Variants in COL22A1 observed in about 807,000 individuals in gnomAD.
COL22A1 encodes collagen type XXII alpha 1 chain.
Under a neutral mutation model 248.9 loss-of-function variants are expected in COL22A1, and 221 were observed. The observed-to-expected ratio is 0.89, with a 90% confidence interval of 0.80 to 0.99. COL22A1 has a LOEUF of 0.99. Ranked by LOEUF, COL22A1 falls within the 50% of genes least tolerant of loss-of-function variation. COL22A1 has a pLI of 0.00. For missense variants in COL22A1, 2,240 were observed against 2,179.0 expected, an observed-to-expected ratio of 1.03 and a Z score of -0.56; for synonymous variants, 891 against 793.4, an observed-to-expected ratio of 1.12 and a Z score of -2.07.
chr8:138,637,385 C>T (rs1256358875), intron 47 of COL22A1, among the ~76,000 whole-genome samples: 3 of 152,154 alleles, frequency 2.0e-5, no homozygotes, highest in African/African-American at 7.2e-5. Context: ...ACATAAGTTC[C>T]TTGCTCCCTC....
At chr8:138,633,581 T>C (rs907607987) in intron 49 of COL22A1, among the ~76,000 whole-genome samples, 1 of 152,244 alleles carries the variant, frequency 6.6e-6, no homozygotes. Flanking sequence ...TTTAGGAAGC[T>C]AATGTCATCA....
At chr8:138,857,839 G>A (rs866017171) in intron 3 of COL22A1, among the ~76,000 whole-genome samples, 12 of 152,290 alleles carry the variant, frequency 7.9e-5, no homozygotes, top group East Asian at 1.9e-4. Context: ...CCACCAGACC[G>A]CGCCAGGACT....
At chr8:138,796,272 G>A (rs1481208169) in intron 12 of COL22A1, among the ~76,000 whole-genome samples, 3 of 151,860 alleles carry the variant, frequency 2.0e-5, no homozygotes, top group African/African-American at 7.3e-5. Context: ...ATGCATAGCT[G>A]GGGAGAACAT....
intron 3 of COL22A1, among the ~76,000 whole-genome samples, chr8:138,860,653 C>T (rs1283770918): frequency 6.6e-6 from 1 of 152,074 alleles, no homozygotes; most frequent in South Asian, 2.1e-4. Flanking sequence ...ACCAAAAATG[C>T]ACACATTAGC....
chr8:138,709,509 T>A (rs1308456599), intron 30 of COL22A1, among the ~76,000 whole-genome samples: 1 of 151,588 alleles, frequency 6.6e-6, no homozygotes, highest in Non-Finnish European at 1.5e-5. Flanking sequence ...AAGCTGGAAA[T>A]CATCATTCTT....
At chr8:138,783,137 G>A (rs1212773833) in intron 12 of COL22A1, among the ~76,000 whole-genome samples, 1 of 152,088 alleles carries the variant, frequency 6.6e-6, no homozygotes. Context: ...AGTCATTCAT[G>A]GAAAGGGCAG....
At chr8:138,823,696 G>T (rs2131770552) in intron 6 of COL22A1, among the ~76,000 whole-genome samples, 1 of 152,350 alleles carries the variant, frequency 6.6e-6, no homozygotes, top group East Asian at 1.9e-4. Flanking sequence ...ATGAGCCACT[G>T]TGCCCAACCA....
intron 11 of COL22A1, among the ~76,000 whole-genome samples, 163 bp downstream of exon 11, chr8:138,802,709 C>G (rs1042095385): frequency 1.3e-5 from 2 of 152,114 alleles, no homozygotes; most frequent in Non-Finnish European, 2.9e-5. Flanking sequence ...CCTCCATGCC[C>G]ATGGAGAGGA....
At chr8:138,825,808 G>T (rs1819533681) in intron 6 of COL22A1, 1 of 152,184 alleles carries the variant, frequency 6.6e-6, no homozygotes, top group South Asian at 2.1e-4. Flanking sequence ...TCTTCATCCA[G>T]TTCATTTTAC....
At chr8:138,701,768 G>A (rs1273563188) in intron 31 of COL22A1, among the ~76,000 whole-genome samples, 1 of 152,238 alleles carries the variant, frequency 6.6e-6, no homozygotes, top group African/African-American at 2.4e-5. Flanking sequence ...GTGAATGTCA[G>A]GACAGAAACT....
At chr8:138,863,337 G>A (rs1021886981) in intron 3 of COL22A1, among the ~76,000 whole-genome samples, 35 of 152,182 alleles carry the variant, frequency 2.3e-4, no homozygotes, top group African/African-American at 7.9e-4. Flanking sequence ...TCTGTTGCTC[G>A]GTCAGAGTTC....
chr8:138,736,479 C>A (rs1831119698), intron 23 of COL22A1, among the ~76,000 whole-genome samples: 1 of 152,050 alleles, frequency 6.6e-6, no homozygotes, highest in Non-Finnish European at 1.5e-5. Flanking sequence ...GGATTTGAAG[C>A]CAGGCATCTG....
intron 61 of COL22A1, among the ~76,000 whole-genome samples, chr8:138,597,730 C>T (rs1266796301): frequency 2.0e-5 from 3 of 152,176 alleles, no homozygotes; most frequent in Non-Finnish European, 4.4e-5. Context: ...ATTCTGTTTC[C>T]TTATTCTTTT....
intron 18 of COL22A1, 23 bp downstream of exon 18, chr8:138,760,220 T>C: frequency 6.4e-7 from 1 of 1,554,160 alleles, no homozygotes; most frequent in Non-Finnish European, 8.7e-7. Context: ...CACAGAGCCC[T>C]TGACAGCCCC....
intron 45 of COL22A1, among the ~76,000 whole-genome samples, chr8:138,655,658 G>A (rs1823183218): frequency 6.6e-6 from 1 of 152,068 alleles, no homozygotes. Flanking sequence ...ACTGTGCCTG[G>A]CCTGTATTTA....
At chr8:138,650,670 TTAGATAGATAGATAGA>T (rs6150847) in intron 45 of COL22A1, among the ~76,000 whole-genome samples, 216 of 151,148 alleles carry the variant, frequency 1.4e-3, no homozygotes, top group Admixed American at 1.6e-3. Flanking sequence ...TCAAGAAAGA[TTAGATAGATAGATAGA>T]TAGATAGATA....
chr8:138,651,726 CGGATGGATGGAT>C (rs572564977), intron 45 of COL22A1, among the ~76,000 whole-genome samples: 1 of 151,894 alleles, frequency 6.6e-6, no homozygotes, highest in Non-Finnish European at 1.5e-5. Flanking sequence ...GATGGATGCA[CGGATGGATGGAT>C]GGATGGATGG....
intron 37 of COL22A1, among the ~76,000 whole-genome samples, chr8:138,686,431 C>T (rs1171434196): frequency 1.3e-5 from 2 of 152,198 alleles, no homozygotes; most frequent in Admixed American, 1.3e-4. Context: ...TGTTTCCAGA[C>T]ATTCTCAGAT....
intron 41 of COL22A1, among the ~76,000 whole-genome samples, chr8:138,674,782 T>A (rs1825372893): frequency 6.6e-6 from 1 of 152,078 alleles, no homozygotes; most frequent in African/African-American, 2.4e-5. Context: ...TACAACCCTT[T>A]CTCTATGCTA....
Sources: gnomAD v4.1 joint callset for allele counts (sites outside exome capture counted in the v4.1 genomes callset) on GRCh38, gnomAD v4.1.1 for gene constraint, MANE v1.5 for transcripts, NCBI Gene and HGNC (gene_info 2026-07-23, HGNC 2026-07-21) for gene names.